Variants in SPARC observed in about 807,000 individuals in gnomAD.
SPARC encodes basement-membrane protein 40.
Under a neutral mutation model 37.7 loss-of-function variants are expected in SPARC, and 23 were observed. That is an observed-to-expected ratio of 0.61 (90% CI 0.44 to 0.87). SPARC has a LOEUF of 0.87. SPARC is among the 40% of genes least tolerant of loss of function. The pLI is 0.00. For missense variants in SPARC, 312 were observed against 389.0 expected (o/e 0.80, Z 1.66); for synonymous variants, 155 against 150.8 (o/e 1.03, Z -0.20).
At chr5:151,669,894 T>A (rs1342119531) in intron 5 of SPARC, 110 bp from the exon 6 acceptor site, 1 of 1,452,698 alleles carries the variant, frequency 6.9e-7, no homozygotes, top group Non-Finnish European at 9.5e-7. Context: ...GCAAGGAATG[T>A]CATTAGCCTG....
At chr5:151,680,889 C>T (rs1043409824) in intron 1 of SPARC, among the ~76,000 whole-genome samples, 2 of 152,176 alleles carry the variant, frequency 1.3e-5, no homozygotes, top group Non-Finnish European at 2.9e-5. Flanking sequence ...CTCCATCCCC[C>T]GAAAGAATTC....
chr5:151,685,409 CTCCCT>C (rs1761111381), intron 1 of SPARC, among the ~76,000 whole-genome samples: 2 of 115,852 alleles, frequency 1.7e-5, no homozygotes, highest in Non-Finnish European at 3.4e-5. Flanking sequence ...CTCTCTCTCT[CTCCCT>C]CTCTCTCTCA....
chr5:151,674,607 C>A lies in SPARC; in HGVS notation c.120+5G>T. On this transcript the variant is annotated splice_donor_5th_base_variant and intron_variant, in intron 3 of 9. Transcript: ENST00000231061. ...GCTAAGGGGCTGCGGTCACTGCCCA[C>A]ATACCTCAGTCACCTCTGCCACAGT... is the stretch of plus-strand genomic sequence containing the variant. The A allele has an allele frequency of 6.2e-7, 1 of 1,613,956 alleles. No homozygotes were observed. The highest frequency in any genetic ancestry group is 8.5e-7 in the Non-Finnish European group (1 of 1,179,822).
intron 7 of SPARC, 63 bp from the exon 8 acceptor site, chr5:151,666,572 C>A: frequency 6.7e-7 from 1 of 1,488,838 alleles, no homozygotes; most frequent in Non-Finnish European, 9.2e-7. Context: ...CAGTCGGGCC[C>A]TCCCACCCCT....
chr5:151,663,853 C>T (rs568586168), intron 9 of SPARC, among the ~76,000 whole-genome samples: 1 of 152,264 alleles, frequency 6.6e-6, no homozygotes, highest in East Asian at 1.9e-4. Flanking sequence ...TAGTGTTTAG[C>T]ACGGGTGAGT....
chr5:151,681,680 T>C (rs985667951), intron 1 of SPARC, among the ~76,000 whole-genome samples: 1 of 152,114 alleles, frequency 6.6e-6, no homozygotes, highest in Non-Finnish European at 1.5e-5. Context: ...TCACCTGAGG[T>C]CAGCAGTTCG....
rs141567625 is a variant in SPARC, at chr5:151,666,438, G to T, written c.657C>A (p.Asp219Glu). ...GDHPVELLAR[D>E]FEKNYNMYIF... is the part of the protein sequence containing the mutation. ...TGTACATGTTATAGTTCTTCTCGAAGTCCCGGGCCAGCAGCTCCACGGGGT... is the reference window on the plus strand; with the variant it reads ...TGTACATGTTATAGTTCTTCTCGAATTCCCGGGCCAGCAGCTCCACGGGGT... The change falls in exon 8 of 10, where the codon GAC (aspartate) becomes GAA (glutamate). Residue 219 changes from aspartate to glutamate, a missense_variant. Asp to Glu is a conservative substitution (Grantham distance 45). Coordinates refer to ENST00000231061, the MANE Select transcript of SPARC (RefSeq NM_003118.4). 979 of 1,614,196 alleles carry T rather than the reference G, an allele frequency of 6.1e-4. No homozygotes were observed. The highest frequency in any genetic ancestry group is 2.3e-3 in the Middle Eastern group (14 of 6,062).
rs777357242 is a variant in SPARC at position 151,663,561 on chromosome 5, A to C, written c.*10T>G. 5 of 1,613,232 alleles carry C rather than the reference A, an allele frequency of 3.1e-6. No homozygotes were observed. The highest frequency in any genetic ancestry group is 4.2e-6 in the Non-Finnish European group (5 of 1,179,162). On this transcript the variant is annotated 3_prime_UTR_variant, in exon 10 of 10. Coordinates refer to ENST00000231061, the MANE Select transcript of SPARC (RefSeq NM_003118.4). ...TAAAGAGAGAATCCGGTACTGTGGA[A>C]GGAGTGGATTTAGATCACAAGATCC...
intron 4 of SPARC, among the ~76,000 whole-genome samples, chr5:151,672,337 C>A (rs768462507): frequency 2.0e-5 from 3 of 152,166 alleles, no homozygotes; most frequent in Admixed American, 2.0e-4. Flanking sequence ...GCCTTTTCCT[C>A]GCAATGCTTT....
chr5:151,663,603 CA>C lies in SPARC; in HGVS notation c.884-5del. ...ACAAGATCCTTGTCGATATCCTCTGCAAAGCAAGAAAAGAGCACGGTTAAAA... is the reference window on the plus strand; with the variant it reads ...ACAAGATCCTTGTCGATATCCTCTGCAAGCAAGAAAAGAGCACGGTTAAAA... On this transcript the variant is annotated splice_polypyrimidine_tract_variant and splice_region_variant and intron_variant, in intron 9 of 9. Coordinates refer to ENST00000231061, the MANE Select transcript of SPARC (RefSeq NM_003118.4). 1 of 1,613,984 alleles carries C rather than the reference CA, an allele frequency of 6.2e-7. No homozygotes were observed. The highest frequency in any genetic ancestry group is 8.5e-7 in the Non-Finnish European group (1 of 1,179,930).
chr5:151,680,072 TGAA>T (rs1484962404), intron 1 of SPARC, among the ~76,000 whole-genome samples: 1 of 152,182 alleles, frequency 6.6e-6, no homozygotes, highest in African/African-American at 2.4e-5. Context: ...CCAGTGCAAA[TGAA>T]GAACTGAGTT....
chr5:151,668,293 CAG>C (rs1760674941), intron 6 of SPARC, among the ~76,000 whole-genome samples: 1 of 152,054 alleles, frequency 6.6e-6, no homozygotes, highest in African/African-American at 2.4e-5. Flanking sequence ...GCTGGGACTA[CAG>C]GCACATGCCA....
chr5:151,673,277 T>A, intron 3 of SPARC, 61 bp from the exon 4 acceptor site: 1 of 1,144,416 alleles, frequency 8.7e-7, no homozygotes, highest in Non-Finnish European at 1.3e-6. Context: ...CCCATAAGGG[T>A]AGCTGAAGGG....
In SPARC at chr5:151,666,459, G is replaced by T; in HGVS notation, c.636C>A (p.Pro212=). The part of the protein sequence containing the change: ...NEKRLEAGDH[P]VELLARDFEK... ...CGAAGTCCCGGGCCAGCAGCTCCACGGGGTGGTCTCCTGCCTCCAGGCGCT... is the reference window on the plus strand; with the variant it reads ...CGAAGTCCCGGGCCAGCAGCTCCACTGGGTGGTCTCCTGCCTCCAGGCGCT... Residue 212 remains proline (P), a synonymous_variant, in exon 8 of 10, where the codon CCC becomes CCA. Coordinates refer to ENST00000231061, the MANE Select transcript of SPARC (RefSeq NM_003118.4). The T allele has an allele frequency of 1.2e-6, 2 of 1,614,126 alleles. No individual in the cohort carries two copies. Among genetic ancestry groups the T allele is most frequent in the Non-Finnish European group, 8.5e-7 (1 of 1,179,996 alleles).
intron 1 of SPARC, among the ~76,000 whole-genome samples, chr5:151,677,893 C>T (rs1003083336): frequency 2.0e-5 from 3 of 152,178 alleles, no homozygotes; most frequent in Admixed American, 6.5e-5. Flanking sequence ...ACCCCAACTT[C>T]CAGAGGAGTC....
chr5:151,665,174 G>A (rs1760594648), intron 8 of SPARC, among the ~76,000 whole-genome samples: 4 of 152,200 alleles, frequency 2.6e-5, no homozygotes, highest in South Asian at 2.1e-4. Flanking sequence ...GATGGGAGGA[G>A]GAGGAAGCGG....
In SPARC at chr5:151,664,098, C is replaced by A. The variant is rs760988343; in HGVS notation, c.872G>T (p.Gly291Val). The A allele has an allele frequency of 2.5e-6, 4 of 1,614,050 alleles. No homozygotes were observed. Among genetic ancestry groups the A allele is most frequent in the Non-Finnish European group, 3.4e-6 (4 of 1,180,042 alleles). ...IALDEWAGCFGIKQKDIDKDL... is the reference protein window; with the variant it reads ...IALDEWAGCFVIKQKDIDKDL... ...GTTCAGACACTCACTCTGCTTGATG[C>A]CGAAGCAGCCGGCCCACTCATCCAG... The change falls in exon 9 of 10, where the codon GGC (glycine) becomes GTC (valine). Residue 291 changes from glycine to valine, a missense_variant. By Grantham distance (109) the Gly-to-Val change is moderately radical. Coordinates refer to ENST00000231061, the MANE Select transcript of SPARC (RefSeq NM_003118.4).
intron 8 of SPARC, among the ~76,000 whole-genome samples, 160 bp downstream of exon 8, chr5:151,666,201 C>G (rs1760615160): frequency 6.6e-6 from 1 of 152,224 alleles, no homozygotes. Flanking sequence ...TGTCCCAGGT[C>G]CACATCTTTT....
At chr5:151,682,264 C>T (rs1408127923) in intron 1 of SPARC, among the ~76,000 whole-genome samples, 1 of 152,100 alleles carries the variant, frequency 6.6e-6, no homozygotes, top group African/African-American at 2.4e-5. Flanking sequence ...TGGAATCAGC[C>T]CGAGATTCCA....
Sources: gnomAD v4.1 joint callset for allele counts (sites outside exome capture counted in the v4.1 genomes callset) on GRCh38, gnomAD v4.1.1 for gene constraint, MANE v1.5 for transcripts, NCBI Gene and HGNC (gene_info 2026-07-23, HGNC 2026-07-21) for gene names.